PKP1: variants seen among roughly 807,000 people sequenced by gnomAD.
The protein encoded by PKP1 is plakophilin-1.
PKP1 carries 27 observed loss-of-function variants against 76.4 expected under a neutral mutation model. The ratio of observed to expected loss-of-function variants is 0.35; its 90% CI spans 0.26 to 0.49. PKP1 has a LOEUF of 0.49. Among genes scored for constraint, PKP1 ranks in the 20% least tolerant of loss-of-function variants. The pLI is 0.99. For missense variants in PKP1, 964 were observed against 955.2 expected (o/e 1.01, Z -0.12); for synonymous variants, 404 against 384.2 (o/e 1.05, Z -0.60).
intron 1 of PKP1, among the ~76,000 whole-genome samples, chr1:201,288,721 C>T (rs1193520820): frequency 1.3e-5 from 2 of 152,170 alleles, no homozygotes; most frequent in Admixed American, 6.5e-5. Flanking sequence ...TCAACCCTTG[C>T]CCACTCTAAC....
intron 2 of PKP1, among the ~76,000 whole-genome samples, chr1:201,298,687 G>T (rs1229997921): frequency 6.6e-6 from 1 of 152,190 alleles, no homozygotes. Context: ...GGAGAATTCT[G>T]TCTTTGTCTT....
intron 7 of PKP1, among the ~76,000 whole-genome samples, chr1:201,321,320 C>A (rs1656932222): frequency 6.6e-6 from 1 of 152,156 alleles, no homozygotes; most frequent in African/African-American, 2.4e-5. Context: ...CAGCAAGGGC[C>A]AAACATCATT....
intron 2 of PKP1, among the ~76,000 whole-genome samples, chr1:201,305,047 T>C (rs1656335582): frequency 6.6e-6 from 1 of 152,236 alleles, no homozygotes; most frequent in Non-Finnish European, 1.5e-5. Flanking sequence ...AGACCTTCCC[T>C]ACCTGAGTCC....
Position 201,331,454 on chromosome 1 carries a change from G to C in PKP1, c.*1413G>C, listed in dbSNP as rs1329023372. The C allele has an allele frequency of 6.6e-6, 1 of 152,372 alleles. No individual in the cohort carries two copies. The highest frequency in any genetic ancestry group is 1.5e-5 in the Non-Finnish European group (1 of 68,192). The allele number at this position is 152,372 out of a possible 1,614,324, so 9.4% of individuals were successfully genotyped here. A position where few individuals can be genotyped will look rare whatever the true frequency, so the allele number is the denominator to read the frequency against. ...GAGAAAACCTGTGTGGACATCCCTT[G>C]GTGTACACTAAGACAGAGCAGAGCC... On this transcript the variant is annotated 3_prime_UTR_variant, in exon 14 of 14. Transcript: ENST00000367324.
intron 2 of PKP1, among the ~76,000 whole-genome samples, chr1:201,306,957 A>G (rs567312109): frequency 6.6e-6 from 1 of 152,342 alleles, no homozygotes; most frequent in South Asian, 2.1e-4. Context: ...GGCATGAGCC[A>G]CCGCACCTGG....
intron 1 of PKP1, 24 bp from the exon 2 acceptor site, chr1:201,293,918 C>T: frequency 6.6e-7 from 1 of 1,514,396 alleles, no homozygotes; most frequent in Non-Finnish European, 9.1e-7. Flanking sequence ...CATCCCTGTC[C>T]TAATCCCCTC....
In PKP1 at chr1:201,325,056, G is replaced by A. The variant is rs754917258; in HGVS notation, c.1950G>A (p.Ser650=). The A allele has an allele frequency of 2.5e-5, 41 of 1,613,560 alleles. No individual in the cohort carries two copies. In the African/African-American group the frequency reaches 3.7e-4, roughly 15 times the overall value. The change falls in exon 11 of 14, where the codon TCG becomes TCA. Residue 650 remains serine (S), a synonymous_variant. Transcript: ENST00000367324. The part of the protein sequence containing the change: ...ACYTVRNLMA[S]QPQLAKQYFS... The stretch of plus-strand genomic sequence containing the variant: ...ACACTGTGAGGAACCTGATGGCCTC[G>A]CAGCCACAACTGGCCAAGCAGTACT...
Position 201,309,500 on chromosome 1 carries a change from C to G in PKP1, c.307-3666C>G, listed in dbSNP as rs72753118. Among the ~76,000 whole-genome samples, 514 of 152,300 alleles carry G rather than the reference C, an allele frequency of 3.4e-3. 2 individuals carry two copies. The highest frequency in any genetic ancestry group is 5.1e-3 in the Non-Finnish European group (350 of 68,040). ...GTCTGGCAGAGTGACCAACTCTGCT[C>G]TCAGGAAATTGAGTTTCCAGCCTCT... On this transcript the variant is annotated intron_variant, in intron 2 of 13. Transcript: ENST00000367324.
Position 201,323,080 on chromosome 1 carries a change from A to G in PKP1, c.1571A>G (p.His524Arg), listed in dbSNP as rs1223145087. Residue 524 changes from histidine (H) to arginine (R), a missense_variant, in exon 9 of 14, where the codon CAT becomes CGT. By Grantham distance (29) the His-to-Arg change is conservative (BLOSUM62 0). Coordinates refer to ENST00000367324, the MANE Select transcript of PKP1 (RefSeq NM_001005337.3). ...CCCAAGGGCAGCGGCTGGTTGTACC[A>G]TTCAGATGCCATCCGCACCTACCTG... The part of the protein sequence containing the change: ...TNPKGSGWLY[H>R]SDAIRTYLNL... The G allele has an allele frequency of 1.9e-6, 3 of 1,614,124 alleles. No homozygotes were observed. Among genetic ancestry groups the G allele is most frequent in the African/African-American group, 2.7e-5 (2 of 75,042 alleles).
chr1:201,284,815 C>G (rs1011716971), intron 1 of PKP1, among the ~76,000 whole-genome samples: 1 of 152,122 alleles, frequency 6.6e-6, no homozygotes, highest in Non-Finnish European at 1.5e-5. Context: ...CAGCTGAACC[C>G]TCACGGGCAC....
At position 201,283,745 on chromosome 1, in the gene PKP1, T is replaced by G. The variant is rs765686962; in HGVS notation, c.43T>G (p.Phe15Val). The change falls in exon 1 of 14, where the codon TTC becomes GTC. Residue 15 changes from phenylalanine to valine, a missense_variant. Phe to Val is a conservative substitution (Grantham distance 50). Coordinates refer to ENST00000367324, the MANE Select transcript of PKP1 (RefSeq NM_001005337.3). ...CAAGACCGCCTTGGCGTACGAATGC[T>G]TCCAGGACCAGGACAACTCCACGTT... ...PLKTALAYEC[F>V]QDQDNSTLAL... 1 of 1,614,124 alleles carries G rather than the reference T, an allele frequency of 6.2e-7. No individual in the cohort carries two copies. The highest frequency in any genetic ancestry group is 1.1e-5 in the South Asian group (1 of 91,074).
Position 201,320,290 on chromosome 1 carries a change from G to A in PKP1, c.1256G>A (p.Gly419Asp). ...CLRNLSSADA[G>D]RQTMRNYSGL... Reference sequence around the variant, plus strand: ...AGGAACCTGAGCTCGGCCGATGCAGGCCGCCAGACCATGCGTAACTACTCA... The same window carrying A: ...AGGAACCTGAGCTCGGCCGATGCAGACCGCCAGACCATGCGTAACTACTCA... The change falls in exon 7 of 14, where the codon GGC (glycine) becomes GAC (aspartate). Residue 419 changes from glycine (G) to aspartate (D), a missense_variant. By Grantham distance (94) the Gly-to-Asp change is moderately conservative. Transcript: ENST00000367324. 1 of 1,613,768 alleles carries A rather than the reference G, an allele frequency of 6.2e-7. No homozygotes were observed. The highest frequency in any genetic ancestry group is 8.5e-7 in the Non-Finnish European group (1 of 1,179,758).
chr1:201,328,690 T>G, intron 12 of PKP1, 72 bp from the exon 13 acceptor site: 2 of 1,375,154 alleles, frequency 1.5e-6, no homozygotes, highest in Non-Finnish European at 2.1e-6. Context: ...GGGAGGGCAG[T>G]GGACAGTGTC....
intron 5 of PKP1, among the ~76,000 whole-genome samples, chr1:201,318,072 G>A (rs941089632): frequency 6.6e-6 from 1 of 152,202 alleles, no homozygotes; most frequent in African/African-American, 2.4e-5. Flanking sequence ...CACAAGCCCT[G>A]GGATTCCCAG....
At chr1:201,312,481 T>G (rs1656584894) in intron 2 of PKP1, among the ~76,000 whole-genome samples, 1 of 152,198 alleles carries the variant, frequency 6.6e-6, no homozygotes, top group South Asian at 2.1e-4. Flanking sequence ...CTCCCCCTCC[T>G]GGACTGTACC....
Position 201,317,671 on chromosome 1 carries a change from T to A in PKP1, c.946T>A (p.Phe316Ile). The A allele has an allele frequency of 6.2e-7, 1 of 1,613,642 alleles. No individual in the cohort carries two copies. The highest frequency in any genetic ancestry group is 8.5e-7 in the Non-Finnish European group (1 of 1,179,794). The change falls in exon 5 of 14, where the codon TTC becomes ATC. Residue 316 changes from phenylalanine (F) to isoleucine (I), a missense_variant. Phe to Ile is a conservative substitution (Grantham distance 21). Coordinates refer to ENST00000367324, the MANE Select transcript of PKP1 (RefSeq NM_001005337.3). ...AAAGALRNLV[F>I]RSTTNKLETR... ...GGCAGGGGCCCTGCGCAACCTGGTG[T>A]TCAGGAGCACCACCAACAAGCTGGA...
At chr1:201,318,980 C>A (rs926521569) in intron 6 of PKP1, among the ~76,000 whole-genome samples, 185 bp downstream of exon 6, 1 of 152,162 alleles carries the variant, frequency 6.6e-6, no homozygotes, top group Non-Finnish European at 1.5e-5. Flanking sequence ...TGGATAAGGC[C>A]CAGGACCCTA....
intron 4 of PKP1, 33 bp from the exon 5 acceptor site, chr1:201,317,539 T>G (rs1656792621): frequency 6.3e-7 from 1 of 1,580,064 alleles, no homozygotes; most frequent in Non-Finnish European, 8.7e-7. Context: ...TCATCTCCCT[T>G]GACCAGGCAG....
At chr1:201,297,961 T>G (rs1656122348) in intron 2 of PKP1, among the ~76,000 whole-genome samples, 1 of 152,200 alleles carries the variant, frequency 6.6e-6, no homozygotes, top group Non-Finnish European at 1.5e-5. Context: ...TTGAGACATG[T>G]CTTAACTTAG....
Sources: allele counts gnomAD v4.1 joint callset (sites outside exome capture counted in the v4.1 genomes callset), GRCh38; gene constraint gnomAD v4.1.1; transcripts MANE v1.5; gene names NCBI Gene and HGNC (gene_info 2026-07-23, HGNC 2026-07-21).